BCKDHB: variants seen among roughly 807,000 people sequenced by gnomAD.
BCKDHB encodes branched chain keto acid dehydrogenase E1 subunit beta.
In BCKDHB, 41 loss-of-function variants were observed where a neutral mutation model predicts 48.5. That is an observed-to-expected ratio of 0.85 (90% CI 0.66 to 1.10). BCKDHB has a LOEUF of 1.10. BCKDHB is among the 50% of genes least tolerant of loss of function. BCKDHB has a pLI of 0.00. For synonymous variants in BCKDHB, 201 were observed against 174.8 expected (o/e 1.15, Z -1.18); for missense variants, 496 against 494.2 (o/e 1.00, Z -0.03).
chr6:80,434,724 A>G, the BCKDHB span, among the ~76,000 whole-genome samples: 2 of 152,198 alleles, frequency 1.3e-5, no homozygotes, highest in East Asian at 1.9e-4. Flanking sequence ...CTCCTAAGGC[A>G]GTACCTTCGG....
chr6:80,406,053 C>T, the BCKDHB span, among the ~76,000 whole-genome samples: 3 of 152,114 alleles, frequency 2.0e-5, no homozygotes, highest in Non-Finnish European at 4.4e-5. Flanking sequence ...TCAATTCCCA[C>T]CTATGAATGA....
At chr6:80,404,434 TTTTA>T in the BCKDHB span, among the ~76,000 whole-genome samples, 7 of 144,492 alleles carry the variant, frequency 4.8e-5, no homozygotes, top group Admixed American at 4.2e-4. Context: ...TTATTTATAA[TTTTA>T]TTTATTTGAG....
chr6:80,304,797 A>T (rs547067955), intron 9 of BCKDHB, among the ~76,000 whole-genome samples: 2 of 152,232 alleles, frequency 1.3e-5, no homozygotes, highest in South Asian at 2.1e-4. Context: ...TATTACATTG[A>T]TTGACTAAAA....
chr6:80,205,788 A>ATGGG (rs1178034820), intron 8 of BCKDHB, among the ~76,000 whole-genome samples: 108 of 115,036 alleles, frequency 9.4e-4, no homozygotes, highest in Non-Finnish European at 1.5e-3. Flanking sequence ...ACCCTGTGCC[A>ATGGG]TGGGTGTGTG....
At chr6:80,431,015 T>A in the BCKDHB span, among the ~76,000 whole-genome samples, 1 of 152,218 alleles carries the variant, frequency 6.6e-6, no homozygotes, top group Admixed American at 6.5e-5. Context: ...TTCTGGTCCG[T>A]TGTGTCTTTG....
At chr6:80,466,660 A>G in the BCKDHB span, among the ~76,000 whole-genome samples, 2,401 of 152,274 alleles carry the variant, frequency 0.016, 57 homozygotes, top group African/African-American at 0.055. Context: ...TCCCCAATAA[A>G]GCTGGAAAAA....
the BCKDHB span, among the ~76,000 whole-genome samples, chr6:80,407,125 T>G: frequency 6.6e-6 from 1 of 152,168 alleles, no homozygotes; most frequent in African/African-American, 2.4e-5. Flanking sequence ...CCTTTTCCCA[T>G]TTTTTGTTTT....
In BCKDHB at chr6:80,301,349, G is replaced by T. The variant is rs772229147; in HGVS notation, c.1038+28128G>T. ...AATAAGTACAATTCGAGTTTATAAA[G>T]ATGACATAACAGCTGATCCCACAGA... On this transcript the variant is annotated intron_variant, in intron 9 of 9. Transcript: ENST00000320393. Among the ~76,000 whole-genome samples, 24 of 152,046 alleles carry T rather than the reference G, an allele frequency of 1.6e-4. 1 individual carries two copies. The highest frequency in any genetic ancestry group is 1.1e-3 in the Admixed American group (17 of 15,264).
At chr6:80,274,237 A>G (rs1777874573) in intron 9 of BCKDHB, among the ~76,000 whole-genome samples, 1 of 152,042 alleles carries the variant, frequency 6.6e-6, no homozygotes, top group South Asian at 2.1e-4. Context: ...ATTTAAACAT[A>G]AATGTTTTAA....
At chr6:80,395,845 C>T in the BCKDHB span, among the ~76,000 whole-genome samples, 2 of 152,190 alleles carry the variant, frequency 1.3e-5, no homozygotes, top group African/African-American at 2.4e-5. Context: ...GAACGTGGTG[C>T]CCTGCATTCC....
At chr6:80,239,493 T>A (rs1776288948) in intron 8 of BCKDHB, among the ~76,000 whole-genome samples, 1 of 152,228 alleles carries the variant, frequency 6.6e-6, no homozygotes, top group South Asian at 2.1e-4. Flanking sequence ...TTGTAGATTC[T>A]GGATATTAGC....
At chr6:80,243,819 A>G (rs555208420) in intron 8 of BCKDHB, among the ~76,000 whole-genome samples, 2 of 152,222 alleles carry the variant, frequency 1.3e-5, no homozygotes, top group Non-Finnish European at 2.9e-5. Context: ...TATAGATATG[A>G]GCCACTGTGC....
intron 9 of BCKDHB, among the ~76,000 whole-genome samples, chr6:80,319,368 A>G (rs806840): frequency 0.8 from 121,482 of 152,160 alleles, 48,670 homozygotes; most frequent in Admixed American, 0.87. Flanking sequence ...GAATTATTAA[A>G]GTTAAGCTTT....
chr6:80,126,949 T>C (rs1770374660), intron 1 of BCKDHB, among the ~76,000 whole-genome samples: 1 of 152,136 alleles, frequency 6.6e-6, no homozygotes, highest in Admixed American at 6.5e-5. Context: ...CTTCATTTAT[T>C]CCTCCTAAAA....
In BCKDHB at chr6:80,325,691, G is replaced by C. The variant is rs1206527788; in HGVS notation, c.1039-17973G>C. On this transcript the variant is annotated intron_variant, in intron 9 of 9. Coordinates refer to ENST00000320393, the MANE Select transcript of BCKDHB (RefSeq NM_183050.4). ...TAACTAGACAATGAGCAGAAAACCT[G>C]TTGCTAGTTTTGGAAGTTTAAATTG... is the stretch of plus-strand genomic sequence containing the variant. Among the ~76,000 whole-genome samples, 3 of 152,198 alleles carry C rather than the reference G, an allele frequency of 2.0e-5. No homozygotes were observed. The East Asian group carries it at 5.8e-4, about 29-fold the overall frequency.
chr6:80,212,159 C>T (rs576073974), intron 8 of BCKDHB, among the ~76,000 whole-genome samples: 12 of 152,138 alleles, frequency 7.9e-5, no homozygotes, highest in African/African-American at 2.6e-4. Flanking sequence ...CAACAGAAAA[C>T]GGGGTTCAAG....
intron 3 of BCKDHB, among the ~76,000 whole-genome samples, chr6:80,153,619 G>A (rs1771899922): frequency 6.6e-6 from 1 of 152,136 alleles, no homozygotes; most frequent in Non-Finnish European, 1.5e-5. Flanking sequence ...TGGTTCTATA[G>A]TGTTTCTCAA....
chr6:80,139,697 G>T lies in BCKDHB; in HGVS notation c.343+10468G>T, dbSNP rs1452840596. 2.6e-5 allele frequency among the ~76,000 whole-genome samples: 4 copies of T among 152,158 alleles called. No individual in the cohort carries two copies. The East Asian group carries it at 7.7e-4, about 29-fold the overall frequency. Reference sequence around the variant, plus strand: ...TTGGGACCAGTACCATGCTGTTTTGGTTACTGTAGCCTTGTAGTATAGTTT... The same window carrying T: ...TTGGGACCAGTACCATGCTGTTTTGTTTACTGTAGCCTTGTAGTATAGTTT... On this transcript the variant is annotated intron_variant, in intron 3 of 9. Transcript: ENST00000320393.
the BCKDHB span, among the ~76,000 whole-genome samples, chr6:80,415,015 G>T: frequency 6.6e-6 from 1 of 151,812 alleles, no homozygotes; most frequent in East Asian, 1.9e-4. Context: ...GTGTGTGTGT[G>T]TGTGTGTGGC....
Sources: gnomAD v4.1 joint callset for allele counts (sites outside exome capture counted in the v4.1 genomes callset) on GRCh38, gnomAD v4.1.1 for gene constraint, MANE v1.5 for transcripts, NCBI Gene and HGNC (gene_info 2026-07-23, HGNC 2026-07-21) for gene names.